ARL15: variants seen among roughly 807,000 people sequenced by gnomAD.
The protein encoded by ARL15 is ARF like GTPase 15, also known as ADP-ribosylation factor-like protein 15.
A neutral mutation model predicts 25.2 loss-of-function variants in ARL15; 19 were observed. The observed-to-expected ratio is 0.75, with a 90% confidence interval of 0.53 to 1.10. ARL15 has a LOEUF of 1.10. ARL15 is among the 50% of genes least tolerant of loss of function. The pLI, the probability that ARL15 is intolerant of heterozygous loss-of-function variation, is 0.00. For synonymous variants in ARL15, 94 were observed against 86.8 expected (o/e 1.08, Z -0.46); for missense variants, 220 against 246.0 (o/e 0.89, Z 0.71).
chr5:54,097,696 C>T (rs953951898), intron 4 of ARL15, among the ~76,000 whole-genome samples: 4 of 152,078 alleles, frequency 2.6e-5, no homozygotes, highest in African/African-American at 9.7e-5. Flanking sequence ...TTTGGTAAGC[C>T]ATCTTTTTCA....
chr5:54,292,660 A>G, intron 1 of ARL15, among the ~76,000 whole-genome samples: 1 of 152,226 alleles, frequency 6.6e-6, no homozygotes, highest in East Asian at 1.9e-4. Context: ...GCACAATTCA[A>G]TTTAAAAGGA....
chr5:53,934,975 G>A (rs1746309486), intron 4 of ARL15, among the ~76,000 whole-genome samples: 1 of 152,072 alleles, frequency 6.6e-6, no homozygotes, highest in African/African-American at 2.4e-5. Context: ...TTCTCACATG[G>A]GTGAATCCAG....
At chr5:54,011,180 G>A (rs750342095) in intron 4 of ARL15, among the ~76,000 whole-genome samples, 7 of 151,948 alleles carry the variant, frequency 4.6e-5, no homozygotes, top group Non-Finnish European at 8.8e-5. Flanking sequence ...TAGTTTCACA[G>A]AAGTTGGCAT....
At chr5:54,114,090 T>C (rs1019486332) in intron 3 of ARL15, among the ~76,000 whole-genome samples, 73 of 151,876 alleles carry the variant, frequency 4.8e-4, no homozygotes, top group Admixed American at 3.5e-3. Context: ...AACAAACAAA[T>C]AAACAAACAA....
intron 1 of ARL15, 80 bp from the exon 2 acceptor site, chr5:54,172,008 T>C (rs1754733517): frequency 6.6e-7 from 1 of 1,506,712 alleles, no homozygotes; most frequent in South Asian, 1.3e-5. Flanking sequence ...AATGACTGAG[T>C]AAGTATTAAG....
At chr5:54,095,949 T>G (rs1190297000) in intron 4 of ARL15, among the ~76,000 whole-genome samples, 2 of 152,166 alleles carry the variant, frequency 1.3e-5, no homozygotes, top group Non-Finnish European at 2.9e-5. Context: ...GACAGGAGAT[T>G]GTTGTGGTAG....
chr5:54,032,069 G>A (rs1027812714), intron 4 of ARL15, among the ~76,000 whole-genome samples: 2 of 152,098 alleles, frequency 1.3e-5, no homozygotes, highest in Admixed American at 1.3e-4. Context: ...ACTGACTACA[G>A]GCAATCAAGC....
In ARL15 at chr5:54,067,606, C is replaced by T. The variant is rs187758228; in HGVS notation, c.462+45596G>A. ...AATCACAGTCTATGAAATGCTTGTG[C>T]TACATCATTTGACCAGAGAAAACGC... is the stretch of plus-strand genomic sequence containing the variant. On this transcript the variant is annotated intron_variant, in intron 4 of 4. Transcript: ENST00000504924. Among the ~76,000 whole-genome samples, 292 of 152,286 alleles carry T rather than the reference C, an allele frequency of 1.9e-3. 1 individual carries two copies. Among genetic ancestry groups the T allele is most frequent in the African/African-American group, 6.9e-3 (285 of 41,570 alleles).
chr5:54,199,036 A>G (rs890129734), intron 1 of ARL15, among the ~76,000 whole-genome samples: 3,181 of 151,654 alleles, frequency 0.021, 39 homozygotes, highest in Non-Finnish European at 0.025. Context: ...GAGAAAAACA[A>G]GCAATGGGGA....
intron 4 of ARL15, among the ~76,000 whole-genome samples, chr5:53,919,823 T>C (rs1424471191): frequency 6.6e-6 from 1 of 152,348 alleles, no homozygotes; most frequent in East Asian, 1.9e-4. Flanking sequence ...TGAGTTGTTG[T>C]TTTGTTCCTT....
At chr5:54,170,119 C>T (rs1187572066) in intron 2 of ARL15, among the ~76,000 whole-genome samples, 1 of 152,174 alleles carries the variant, frequency 6.6e-6, no homozygotes, top group African/African-American at 2.4e-5. Flanking sequence ...ATTCCATCAT[C>T]CAACCATCAC....
At chr5:53,897,992 G>A (rs1046517935) in intron 4 of ARL15, among the ~76,000 whole-genome samples, 1 of 152,062 alleles carries the variant, frequency 6.6e-6, no homozygotes, top group East Asian at 1.9e-4. Flanking sequence ...AATAAGATAA[G>A]CTAGAGAAAA....
At chr5:53,930,404 GAAGGA>G (rs1338628152) in intron 4 of ARL15, among the ~76,000 whole-genome samples, 2 of 152,216 alleles carry the variant, frequency 1.3e-5, no homozygotes, top group Admixed American at 1.3e-4. Context: ...CAGTCTTTGA[GAAGGA>G]AAGGGTCACT....
At chr5:53,964,906 A>C (rs990442622) in intron 4 of ARL15, among the ~76,000 whole-genome samples, 2 of 152,112 alleles carry the variant, frequency 1.3e-5, no homozygotes, top group African/African-American at 4.8e-5. Flanking sequence ...TTATACTCCC[A>C]CCCCACTCCT....
chr5:54,186,799 A>G (rs550300861), intron 1 of ARL15, among the ~76,000 whole-genome samples: 5 of 151,928 alleles, frequency 3.3e-5, no homozygotes, highest in Non-Finnish European at 7.4e-5. Flanking sequence ...ATTCATGAAG[A>G]TATTAGAGAG....
intron 1 of ARL15, among the ~76,000 whole-genome samples, chr5:54,224,706 A>G (rs138085778): frequency 7.2e-5 from 11 of 152,226 alleles, no homozygotes; most frequent in African/African-American, 1.2e-4. Flanking sequence ...GGGAAGGGAG[A>G]GAATATTCAT....
intron 4 of ARL15, among the ~76,000 whole-genome samples, chr5:53,893,532 C>T (rs10940349): frequency 0.4 from 61,034 of 151,862 alleles, 13,056 homozygotes; most frequent in Non-Finnish European, 0.48. Context: ...GGCGTGAACC[C>T]GGGAGGCGGA....
At chr5:54,187,492 C>T (rs1755274490) in intron 1 of ARL15, among the ~76,000 whole-genome samples, 1 of 152,222 alleles carries the variant, frequency 6.6e-6, no homozygotes, top group Non-Finnish European at 1.5e-5. Flanking sequence ...ATTTATTCAT[C>T]TTCCAATTCC....
chr5:54,306,671 G>A lies in ARL15; in HGVS notation c.48+3761C>T, dbSNP rs577258004. On this transcript the variant is annotated intron_variant, in intron 1 of 4. Transcript: ENST00000504924. ...CTCCCAAAGTCCTGGGATTACGGGC[G>A]TGAGCCACCTCGCCCAGCCACACAA... Among the ~76,000 whole-genome samples, 76 of 152,274 alleles carry A rather than the reference G, an allele frequency of 5.0e-4. 1 individual carries two copies. The highest frequency in any genetic ancestry group is 2.5e-3 in the Admixed American group (38 of 15,292).
Sources: gnomAD v4.1 joint callset for allele counts (sites outside exome capture counted in the v4.1 genomes callset) on GRCh38, gnomAD v4.1.1 for gene constraint, MANE v1.5 for transcripts, NCBI Gene and HGNC (gene_info 2026-07-23, HGNC 2026-07-21) for gene names.